LIMS2: variants seen among roughly 807,000 people sequenced by gnomAD.
The protein encoded by LIMS2 is LIM zinc finger domain containing 2, also known as LIM and senescent cell antigen-like-containing domain protein 2.
LIMS2 carries 30 observed loss-of-function variants against 45.3 expected under a neutral mutation model. That is an observed-to-expected ratio of 0.66 (90% CI 0.50 to 0.90). LIMS2 has a LOEUF of 0.90. LIMS2 is among the 40% of genes least tolerant of loss of function. The pLI is 0.00. For synonymous variants in LIMS2, 173 were observed against 188.0 expected, an observed-to-expected ratio of 0.92 and a Z score of 0.65; for missense variants, 485 against 468.7, an observed-to-expected ratio of 1.03 and a Z score of -0.32.
chr2:127,649,090 AG>A (rs1447094853), intron 4 of LIMS2, among the ~76,000 whole-genome samples: 3 of 146,442 alleles, frequency 2.0e-5, no homozygotes, highest in African/African-American at 7.5e-5. Context: ...AAAGAAAAAA[AG>A]AAAAAAGAAA....
chr2:127,666,917 C>T (rs934991789), intron 1 of LIMS2, among the ~76,000 whole-genome samples: 13 of 152,190 alleles, frequency 8.5e-5, no homozygotes, highest in Admixed American at 7.8e-4. Flanking sequence ...TCCACCTGGT[C>T]TCTCCCTTGA....
chr2:127,666,072 C>T (rs2105333057), intron 1 of LIMS2, among the ~76,000 whole-genome samples: 1 of 152,286 alleles, frequency 6.6e-6, no homozygotes, highest in African/African-American at 2.4e-5. Flanking sequence ...GCAGCCTGTC[C>T]TGCTGCAGGG....
intron 9 of LIMS2, 95 bp downstream of exon 9, chr2:127,639,974 GC>G (rs767089152): frequency 2.3e-6 from 3 of 1,312,188 alleles, no homozygotes; most frequent in Non-Finnish European, 3.3e-6. Flanking sequence ...ATATCCCCAG[GC>G]CAGACTCAGC....
rs775930005 is a variant in LIMS2 at position 127,650,742 on chromosome 2, G to A, written c.359+3682C>T. The stretch of plus-strand genomic sequence containing the variant: ...CTCTGACTCCAGCCAAAGCATGAAT[G>A]GCCTTGAAGTGGCTCCCCCAGGTCT... On this transcript the variant is annotated intron_variant, in intron 4 of 9. Transcript: ENST00000355119. 47 of 1,608,226 alleles carry A rather than the reference G, an allele frequency of 2.9e-5. No homozygotes were observed. Among genetic ancestry groups the A allele is most frequent in the Non-Finnish European group, 3.8e-5 (45 of 1,176,226 alleles).
chr2:127,648,154 G>GA (rs991199627), intron 4 of LIMS2: 224 of 985,364 alleles, frequency 2.3e-4, no homozygotes, highest in Middle Eastern at 2.1e-3. Flanking sequence ...GATTCCTGGG[G>GA]AATGGGGTCC....
chr2:127,678,927 T>A (rs1163903021), upstream of LIMS2, among the ~76,000 whole-genome samples: 1 of 152,088 alleles, frequency 6.6e-6, no homozygotes, highest in African/African-American at 2.4e-5. The surrounding 1 kb of genome is among the most constrained non-coding windows in gnomAD (Gnocchi z 5.3). Context: ...GAATTTCAAC[T>A]CTAGGGCTCC....
chr2:127,649,179 G>GGAAAGAAGGAAGGAAGGAAGGAAA (rs1316602152), intron 4 of LIMS2, among the ~76,000 whole-genome samples: 2,119 of 118,448 alleles, frequency 0.018, 53 homozygotes, highest in African/African-American at 0.091. Flanking sequence ...AAGGAAGGAA[G>GGAAAGAAGGAAGGAAGGAAGGAAA]GAAGGAAGGA....
At chr2:127,650,141 C>A in intron 4 of LIMS2, 1 of 1,408,532 alleles carries the variant, frequency 7.1e-7, no homozygotes. Flanking sequence ...TGGGGGCACC[C>A]TCCTAAGTGC....
At position 127,643,007 on chromosome 2, in the gene LIMS2, C is replaced by T. The variant is rs768454144; in HGVS notation, c.425G>A (p.Arg142Gln). The change falls in exon 5 of 10, where the codon CGG becomes CAG. Residue 142 changes from arginine to glutamine, a missense_variant. Physicochemically the swap from Arg to Gln is conservative, Grantham distance 43 (BLOSUM62 1). Coordinates refer to ENST00000355119, the MANE Select transcript of LIMS2 (RefSeq NM_001161403.3). ...AKGLGKYICQRCHLVIDEQPL... is the reference protein window; with the variant it reads ...AKGLGKYICQQCHLVIDEQPL... Reference sequence around the variant, plus strand: ...CTGCTCGTCGATGACCAGGTGGCACCGCTGGCAGATGTACTTGCCCAGGCC... The same window carrying T: ...CTGCTCGTCGATGACCAGGTGGCACTGCTGGCAGATGTACTTGCCCAGGCC... The T allele has an allele frequency of 1.6e-5, 26 of 1,581,202 alleles. No individual in the cohort carries two copies. Among genetic ancestry groups the T allele is most frequent in the East Asian group, 4.6e-5 (2 of 43,202 alleles).
At chr2:127,651,606 G>A in intron 4 of LIMS2, 1 of 1,613,456 alleles carries the variant, frequency 6.2e-7, no homozygotes, top group Non-Finnish European at 8.5e-7. Flanking sequence ...CCTCAACGGG[G>A]CACTCGACCC....
At chr2:127,659,897 C>T (rs902975034) in intron 1 of LIMS2, among the ~76,000 whole-genome samples, 10 of 152,240 alleles carry the variant, frequency 6.6e-5, no homozygotes, top group Admixed American at 6.5e-5. Flanking sequence ...GCTGACCCTA[C>T]TCCCACGGGC....
chr2:127,645,387 C>A (rs1172701394), intron 4 of LIMS2, among the ~76,000 whole-genome samples: 3 of 152,186 alleles, frequency 2.0e-5, no homozygotes, highest in Admixed American at 6.5e-5. Flanking sequence ...TTCAGAAAGA[C>A]AGAGAGAAAT....
In LIMS2 at chr2:127,642,858, G is replaced by A. The variant is rs74628990; in HGVS notation, c.509+65C>T. 75,060 of 1,510,500 alleles carry A rather than the reference G, an allele frequency of 0.05. 2,199 individuals carry two copies. Among genetic ancestry groups the A allele is most frequent in the African/African-American group, 0.074 (5,385 of 72,420 alleles). 93.6% of individuals were successfully genotyped at this position (1,510,500 alleles called of 1,614,324 possible). On this transcript the variant is annotated intron_variant, in intron 5 of 9. Coordinates refer to ENST00000355119, the MANE Select transcript of LIMS2 (RefSeq NM_001161403.3). This position sits in a 1 kb window ranked among gnomAD's most constrained non-coding sequence, Gnocchi z 5.3. ...CACTTCCCCAGGTGGAGGCCCCACC[G>A]CCCTTACCCTGGGCCAGCCCTGGCT... is the stretch of plus-strand genomic sequence containing the variant.
At chr2:127,678,969 G>A (rs1003538566), upstream of LIMS2, among the ~76,000 whole-genome samples, 3 of 152,134 alleles carry the variant, frequency 2.0e-5, no homozygotes, top group Admixed American at 6.5e-5. This position sits in a 1 kb window ranked among gnomAD's most constrained non-coding sequence, Gnocchi z 5.3. Context: ...TACCAGTCAG[G>A]AGCCCTCCAA....
At position 127,640,939 on chromosome 2, in the gene LIMS2, T is replaced by G; in HGVS notation, c.710A>C (p.Tyr237Ser). Reference protein sequence around the residue: ...CEKPFLGHRHYEKKGLAYCET... With the variant: ...CEKPFLGHRHSEKKGLAYCET... ...GCAGTAGGCCAGGCCCTTCTTCTCA[T>G]AGTGCCGGTGCCCCAGGAATGGCTT... The change falls in exon 7 of 10, where the codon TAT becomes TCT. Residue 237 changes from tyrosine (Y) to serine (S), a missense_variant. Tyr to Ser is a moderately radical substitution (Grantham distance 144). Coordinates refer to ENST00000355119, the MANE Select transcript of LIMS2 (RefSeq NM_001161403.3). The G allele has an allele frequency of 6.2e-7, 1 of 1,613,928 alleles. No individual in the cohort carries two copies. The highest frequency in any genetic ancestry group is 8.5e-7 in the Non-Finnish European group (1 of 1,179,920).
chr2:127,676,866 G>C (rs1685514716), upstream of LIMS2, among the ~76,000 whole-genome samples: 1 of 152,118 alleles, frequency 6.6e-6, no homozygotes, highest in African/African-American at 2.4e-5. Flanking sequence ...TGAATATCAG[G>C]GTCTTGTGGG....
At chr2:127,680,553 C>T (rs1685592855) in intron 1 of LIMS2, among the ~76,000 whole-genome samples, 1 of 152,256 alleles carries the variant, frequency 6.6e-6, no homozygotes, top group Non-Finnish European at 1.5e-5. Context: ...GGCCTTACTT[C>T]TCCCTGTGCC....
chr2:127,655,047 T>C, intron 2 of LIMS2, 151 bp from the exon 3 acceptor site: 1 of 749,706 alleles, frequency 1.3e-6, no homozygotes. Context: ...GTCCCAGGCC[T>C]GGCCAGAGAG....
upstream of LIMS2, among the ~76,000 whole-genome samples, chr2:127,679,450 A>G (rs1035997685): frequency 7.9e-6 from 1 of 125,956 alleles, no homozygotes; most frequent in East Asian, 2.2e-4. The surrounding 1 kb of genome is among the most constrained non-coding windows in gnomAD (Gnocchi z 5.3). Context: ...GCTGGGGGAC[A>G]GTGGGGCTCT....
Sources: gnomAD v4.1 joint callset for allele counts (sites outside exome capture counted in the v4.1 genomes callset) on GRCh38, gnomAD v4.1.1 for gene constraint, Gnocchi (gnomAD v3.1) non-coding constraint, MANE v1.5 for transcripts, NCBI Gene and HGNC (gene_info 2026-07-23, HGNC 2026-07-21) for gene names.